The following CENPQ variants were observed in gnomAD, a reference collection of about 807,000 sequenced individuals.
The protein encoded by CENPQ is centromere protein Q.
CENPQ carries 27 observed loss-of-function variants against 36.6 expected under a neutral mutation model. The observed-to-expected ratio is 0.74, with a 90% CI of 0.54 to 1.02. The LOEUF (loss-of-function observed/expected upper bound fraction) is 1.02, where lower values mean the gene tolerates loss of function less well. CENPQ is among the 50% of genes least tolerant of loss of function. The pLI, the probability that CENPQ is intolerant of heterozygous loss-of-function variation, is 0.00. For synonymous variants in CENPQ, 101 were observed against 101.7 expected, an observed-to-expected ratio of 0.99 and a Z score of 0.04; for missense variants, 306 against 301.8, an observed-to-expected ratio of 1.01 and a Z score of -0.10.
intron 4 of CENPQ, among the ~76,000 whole-genome samples, chr6:49,472,573 A>G (rs113013336): frequency 0.014 from 2,070 of 152,312 alleles, 44 homozygotes; most frequent in African/African-American, 0.045. Flanking sequence ...AGAGCCAGGC[A>G]TGTAACTTAT....
chr6:49,482,828 C>T (rs946862452), intron 6 of CENPQ, among the ~76,000 whole-genome samples: 2 of 152,040 alleles, frequency 1.3e-5, no homozygotes, highest in Admixed American at 6.6e-5. Context: ...TTAAAGGCAG[C>T]GTTTCCGGAG....
intron 4 of CENPQ, among the ~76,000 whole-genome samples, chr6:49,472,543 G>A (rs1398873343): frequency 6.6e-6 from 1 of 152,160 alleles, no homozygotes; most frequent in Non-Finnish European, 1.5e-5. Flanking sequence ...TTCTGCCATT[G>A]TGGAGCAAAT....
At chr6:49,482,812 C>T (rs1301163861) in intron 6 of CENPQ, among the ~76,000 whole-genome samples, 2 of 152,066 alleles carry the variant, frequency 1.3e-5, no homozygotes, top group Non-Finnish European at 2.9e-5. Context: ...GTGAGTGTTA[C>T]AGTTCTTAAA....
chr6:49,487,218 G>C (rs928199420), intron 6 of CENPQ, among the ~76,000 whole-genome samples: 6 of 115,656 alleles, frequency 5.2e-5, no homozygotes, highest in African/African-American at 1.3e-4. Context: ...TTAGATTCAA[G>C]TGAATAGAGC....
intron 6 of CENPQ, among the ~76,000 whole-genome samples, chr6:49,482,099 G>C (rs1323559814): frequency 1.3e-5 from 2 of 152,166 alleles, no homozygotes; most frequent in Non-Finnish European, 2.9e-5. Context: ...GGCTGGCAGG[G>C]CCAGCCAGCT....
chr6:49,492,097 T>C (rs1457280968), intron 8 of CENPQ, 47 bp from the exon 9 acceptor site: 3 of 1,457,084 alleles, frequency 2.1e-6, no homozygotes, highest in Non-Finnish European at 2.8e-6. Flanking sequence ...TTGAGATTTC[T>C]CATAATAAAA....
intron 1 of CENPQ, among the ~76,000 whole-genome samples, chr6:49,469,860 G>A (rs1242930255): frequency 6.6e-6 from 1 of 152,036 alleles, no homozygotes; most frequent in African/African-American, 2.4e-5. Context: ...TATAAAATAA[G>A]AGATACAAAA....
At chr6:49,480,679 A>G (rs965121040) in intron 5 of CENPQ, among the ~76,000 whole-genome samples, 1 of 152,190 alleles carries the variant, frequency 6.6e-6, no homozygotes, top group African/African-American at 2.4e-5. Flanking sequence ...TTTAAAATGT[A>G]TATAAATTGT....
At chr6:49,484,417 T>C (rs1320495743) in intron 6 of CENPQ, among the ~76,000 whole-genome samples, 1 of 152,214 alleles carries the variant, frequency 6.6e-6, no homozygotes, top group Non-Finnish European at 1.5e-5. Context: ...ATGGTTAACT[T>C]CCAGCTTTTA....
intron 1 of CENPQ, among the ~76,000 whole-genome samples, chr6:49,467,462 C>A (rs1164837302): frequency 6.6e-6 from 1 of 152,068 alleles, no homozygotes; most frequent in African/African-American, 2.4e-5. Context: ...ATGTTTTGCT[C>A]AATTTTCTGT....
At chr6:49,478,446 G>A (rs1023214421) in intron 5 of CENPQ, among the ~76,000 whole-genome samples, 1 of 151,784 alleles carries the variant, frequency 6.6e-6, no homozygotes, top group East Asian at 1.9e-4. Context: ...ATATTTCTGG[G>A]AAGTCATTTT....
intron 6 of CENPQ, among the ~76,000 whole-genome samples, chr6:49,484,585 GGTA>G (rs2127427365): frequency 6.6e-6 from 1 of 152,236 alleles, no homozygotes; most frequent in East Asian, 1.9e-4. Context: ...AGTACAAGGT[GGTA>G]GTAGTTTCTG....
intron 8 of CENPQ, 76 bp downstream of exon 8, chr6:49,488,760 A>C: frequency 8.6e-7 from 1 of 1,166,416 alleles, no homozygotes; most frequent in Non-Finnish European, 1.3e-6. Flanking sequence ...CCACAGCAAA[A>C]AAGCAAATAC....
intron 6 of CENPQ, among the ~76,000 whole-genome samples, chr6:49,485,580 G>T (rs1234570878): frequency 6.6e-6 from 1 of 152,010 alleles, no homozygotes; most frequent in Admixed American, 6.5e-5. Context: ...CAGAAAAAAT[G>T]ATAGAAAGTA....
chr6:49,474,305 A>G (rs1263343370), intron 5 of CENPQ, among the ~76,000 whole-genome samples: 2 of 152,240 alleles, frequency 1.3e-5, no homozygotes. Flanking sequence ...AACAGAAATT[A>G]TAACAAACTG....
At chr6:49,472,987 A>G in intron 5 of CENPQ, 129 bp downstream of exon 5, 1 of 600,316 alleles carries the variant, frequency 1.7e-6, no homozygotes, top group Non-Finnish European at 2.4e-6. Context: ...AACAACTTGG[A>G]AGTATGTTTT....
intron 5 of CENPQ, among the ~76,000 whole-genome samples, chr6:49,480,231 G>A (rs1380349356): frequency 6.6e-6 from 1 of 152,026 alleles, no homozygotes; most frequent in Non-Finnish European, 1.5e-5. Context: ...TGTTATAAAG[G>A]GAATCAAATT....
chr6:49,475,450 A>C (rs1030192552), intron 5 of CENPQ, among the ~76,000 whole-genome samples: 7 of 152,230 alleles, frequency 4.6e-5, no homozygotes, highest in African/African-American at 1.7e-4. Context: ...TTTTATGACA[A>C]ATCCACAGCC....
chr6:49,465,379 A>C (rs1172248544), intron 1 of CENPQ, among the ~76,000 whole-genome samples: 1 of 152,204 alleles, frequency 6.6e-6, no homozygotes, highest in Non-Finnish European at 1.5e-5. Flanking sequence ...GTCAATGAGC[A>C]TTGGCTTCAA....
Sources: allele counts gnomAD v4.1 joint callset (sites outside exome capture counted in the v4.1 genomes callset), GRCh38; gene constraint gnomAD v4.1.1; transcripts MANE v1.5; gene names NCBI Gene and HGNC (gene_info 2026-07-23, HGNC 2026-07-21).